Variants in NEGR1 observed in about 807,000 individuals in gnomAD.
NEGR1 encodes the protein neuronal growth regulator 1.
A neutral mutation model predicts 40.9 loss-of-function variants in NEGR1; 10 were observed. The ratio of observed to expected loss-of-function variants is 0.24; its 90% confidence interval spans 0.15 to 0.42. The LOEUF is 0.42. Among genes scored for constraint, NEGR1 ranks in the 10% least tolerant of loss-of-function variants. The pLI is 1.00. For missense variants in NEGR1, 352 were observed against 438.9 expected (o/e 0.80, Z 1.77); for synonymous variants, 185 against 166.8 (o/e 1.11, Z -0.84).
intron 2 of NEGR1, among the ~76,000 whole-genome samples, chr1:71,778,183 A>C (rs1162536003): frequency 6.6e-6 from 1 of 151,954 alleles, no homozygotes; most frequent in African/African-American, 2.4e-5. Flanking sequence ...ACATATATAT[A>C]TATAGAGAGA....
At chr1:71,448,701 A>T (rs1646601845) in intron 6 of NEGR1, among the ~76,000 whole-genome samples, 1 of 152,112 alleles carries the variant, frequency 6.6e-6, no homozygotes, top group East Asian at 1.9e-4. Context: ...CTCCCAATAG[A>T]CTCAGGGAAG....
intron 4 of NEGR1, among the ~76,000 whole-genome samples, chr1:71,649,493 C>A (rs142832746): frequency 1.8e-4 from 28 of 152,082 alleles, no homozygotes; most frequent in Middle Eastern, 6.8e-3. Context: ...CTACAAGATA[C>A]CATTTAGCTA....
intron 2 of NEGR1, among the ~76,000 whole-genome samples, chr1:71,916,608 TAGCC>T (rs146182520): frequency 0.013 from 2,000 of 151,972 alleles, 41 homozygotes; most frequent in African/African-American, 0.046. Flanking sequence ...TACAAAAAAT[TAGCC>T]AGGCATAGGG....
chr1:71,857,626 CAAAAAAAAAAAA>C lies in NEGR1; in HGVS notation c.409+77441_409+77452del, dbSNP rs59343025. Among the ~76,000 whole-genome samples the C allele has an allele frequency of 7.5e-4, 40 of 53,428 alleles. No individual in the cohort carries two copies. The East Asian group carries it at 0.019, about 25-fold the overall frequency. The allele number at this position is 53,428 out of a possible 152,430, so 35.1% of individuals were successfully genotyped here. On this transcript the variant is annotated intron_variant, in intron 2 of 6. Transcript: ENST00000357731. Reference sequence around the variant, plus strand: ...TAGGTGACAAAGTGAGATCCTGTCTCAAAAAAAAAAAAAAAAAAAAAAAAAAAAAATTGAACC... The same window carrying C: ...TAGGTGACAAAGTGAGATCCTGTCTCAAAAAAAAAAAAAAAAAATTGAACC...
At position 72,000,714 on chromosome 1, in the gene NEGR1, A is replaced by G. The variant is rs562960222; in HGVS notation, c.177-65403T>C. The stretch of plus-strand genomic sequence containing the variant: ...TTAAATTGTTTCTAACAGTGAACCA[A>G]TTGGCAATTTATCAAACCATCTCAA... On this transcript the variant is annotated intron_variant, in intron 1 of 6. Coordinates refer to ENST00000357731, the MANE Select transcript of NEGR1 (RefSeq NM_173808.3). Among the ~76,000 whole-genome samples, 6 of 152,274 alleles carry G rather than the reference A, an allele frequency of 3.9e-5. No homozygotes were observed. In the South Asian group the frequency reaches 1.0e-3, roughly 26 times the overall value.
At chr1:72,259,676 T>A (rs1344781656) in intron 1 of NEGR1, among the ~76,000 whole-genome samples, 1 of 152,076 alleles carries the variant, frequency 6.6e-6, no homozygotes, top group Non-Finnish European at 1.5e-5. Context: ...AGGGAGCTTA[T>A]ACATGGAGAA....
intron 6 of NEGR1, among the ~76,000 whole-genome samples, chr1:71,500,324 A>G (rs1646990998): frequency 6.6e-6 from 1 of 152,084 alleles, no homozygotes; most frequent in Admixed American, 6.5e-5. Context: ...GAATCATCTA[A>G]ATGAAAAAAT....
chr1:72,277,895 A>AT (rs1656113883), intron 1 of NEGR1, among the ~76,000 whole-genome samples: 1 of 152,112 alleles, frequency 6.6e-6, no homozygotes, highest in South Asian at 2.1e-4. Context: ...ACCATAATTG[A>AT]TTTTTACTGC....
At chr1:72,019,711 C>A (rs977693246) in intron 1 of NEGR1, among the ~76,000 whole-genome samples, 1 of 152,170 alleles carries the variant, frequency 6.6e-6, no homozygotes, top group Non-Finnish European at 1.5e-5. Flanking sequence ...ATTTGCCATA[C>A]AATATCACAT....
In NEGR1 at chr1:71,918,254, A is replaced by AAAG. The variant is rs754824242; in HGVS notation, c.409+16822_409+16824dup. The stretch of plus-strand genomic sequence containing the variant: ...AAAAAAAAAAAAAAAAAAAAAAAAA[A>AAAG]AAGAAGAAGAAGAACACATCATACT... On this transcript the variant is annotated intron_variant, in intron 2 of 6. Transcript: ENST00000357731. 9.6e-3 allele frequency among the ~76,000 whole-genome samples: 1,266 copies of AAAG among 132,410 alleles called. 9 individuals carry two copies. Among genetic ancestry groups the AAAG allele is most frequent in the Non-Finnish European group, 0.015 (945 of 61,732 alleles). The allele number at this position is 132,410 out of a possible 152,430, so 86.9% of individuals were successfully genotyped here. A position where few individuals can be genotyped will look rare whatever the true frequency, so the allele number is the denominator to read the frequency against.
chr1:71,877,597 G>A (rs1222545879), intron 2 of NEGR1, among the ~76,000 whole-genome samples: 2 of 152,088 alleles, frequency 1.3e-5, no homozygotes, highest in African/African-American at 2.4e-5. Context: ...CGAAAATACA[G>A]TTACATCCTG....
At chr1:72,091,005 G>GA (rs1648466459) in intron 1 of NEGR1, among the ~76,000 whole-genome samples, 1 of 152,112 alleles carries the variant, frequency 6.6e-6, no homozygotes, top group Non-Finnish European at 1.5e-5. Flanking sequence ...AGCTTTTTGT[G>GA]AAAACATATA....
chr1:71,512,572 A>G (rs1303260112), intron 6 of NEGR1, among the ~76,000 whole-genome samples: 1 of 151,798 alleles, frequency 6.6e-6, no homozygotes, highest in Non-Finnish European at 1.5e-5. Context: ...AAAAAAGCAT[A>G]AATACTAATC....
chr1:72,098,075 T>C (rs1419106899), intron 1 of NEGR1, among the ~76,000 whole-genome samples: 1 of 152,004 alleles, frequency 6.6e-6, no homozygotes, highest in Non-Finnish European at 1.5e-5. Flanking sequence ...CCTCCAGAGG[T>C]TTAAACACAG....
chr1:72,175,423 T>A (rs1260613570), intron 1 of NEGR1, among the ~76,000 whole-genome samples: 1 of 152,118 alleles, frequency 6.6e-6, no homozygotes, highest in Non-Finnish European at 1.5e-5. Context: ...TTTCCTCTAC[T>A]TATGATAGTG....
chr1:71,675,328 C>T (rs1652590604), intron 4 of NEGR1, among the ~76,000 whole-genome samples: 1 of 150,718 alleles, frequency 6.6e-6, no homozygotes, highest in Non-Finnish European at 1.5e-5. Context: ...ACATCCATGG[C>T]ATTCTGAGTC....
chr1:71,684,613 T>G (rs1652960896), intron 4 of NEGR1, among the ~76,000 whole-genome samples: 1 of 152,200 alleles, frequency 6.6e-6, no homozygotes, highest in Admixed American at 6.5e-5. Flanking sequence ...ATTCTATATG[T>G]AGAGTCTCTT....
At position 72,025,016 on chromosome 1, in the gene NEGR1, G is replaced by T. The variant is rs185084607; in HGVS notation, c.177-89705C>A. Among the ~76,000 whole-genome samples, 94 of 152,222 alleles carry T rather than the reference G, an allele frequency of 6.2e-4. No individual in the cohort carries two copies. The East Asian group carries it at 0.013, about 21-fold the overall frequency. On this transcript the variant is annotated intron_variant, in intron 1 of 6. Transcript: ENST00000357731. ...TACCTATTCATAGACCTCCTGAAAT[G>T]ATTTTCCACTTGGGAGTTATAGTGA...
chr1:72,115,376 T>C (rs1241320178), intron 1 of NEGR1, among the ~76,000 whole-genome samples: 1 of 151,722 alleles, frequency 6.6e-6, no homozygotes, highest in Non-Finnish European at 1.5e-5. Flanking sequence ...TAGCAAGTTT[T>C]AAGTTTATTA....
Sources: gnomAD v4.1 joint callset for allele counts (sites outside exome capture counted in the v4.1 genomes callset) on GRCh38, gnomAD v4.1.1 for gene constraint, MANE v1.5 for transcripts, NCBI Gene and HGNC (gene_info 2026-07-23, HGNC 2026-07-21) for gene names.